Variants in CTNNA3 observed in about 807,000 individuals in gnomAD.
The protein encoded by CTNNA3 is catenin alpha-3.
In CTNNA3, 76 loss-of-function variants were observed where a neutral mutation model predicts 95.7. The ratio of observed to expected loss-of-function variants is 0.79; its 90% CI spans 0.66 to 0.96. The LOEUF (loss-of-function observed/expected upper bound fraction) is 0.96, where lower values mean the gene tolerates loss of function less well. Among genes scored for constraint, CTNNA3 ranks in the 40% least tolerant of loss-of-function variants. CTNNA3 has a pLI of 0.00. For synonymous variants in CTNNA3, 431 were observed against 374.4 expected (o/e 1.15, Z -1.74); for missense variants, 1,191 against 1,089.8 (o/e 1.09, Z -1.31).
Position 67,647,411 on chromosome 10 carries a change from A to T in CTNNA3, c.99+4T>A, listed in dbSNP as rs1172475502. ...ATATATCATAATTTCCATGGTATTA[A>T]TACCTGGATTATGAGAGGCTCCAGT... On this transcript the variant is annotated splice_donor_region_variant and intron_variant, in intron 2 of 17. Coordinates refer to ENST00000433211, the MANE Select transcript of CTNNA3 (RefSeq NM_013266.4). 1.2e-6 allele frequency: 2 copies of T among 1,604,356 alleles called. No homozygotes were observed. Among genetic ancestry groups the T allele is most frequent in the South Asian group, 2.2e-5 (2 of 90,616 alleles).
intron 9 of CTNNA3, among the ~76,000 whole-genome samples, chr10:66,722,979 T>A (rs972896037): frequency 6.6e-6 from 1 of 152,186 alleles, no homozygotes; most frequent in African/African-American, 2.4e-5. Context: ...TTCTGCTCTA[T>A]CATTCAGAAA....
chr10:66,289,713 G>T (rs1468698477), intron 12 of CTNNA3, among the ~76,000 whole-genome samples: 1 of 151,894 alleles, frequency 6.6e-6, no homozygotes, highest in Non-Finnish European at 1.5e-5. Context: ...TTTTAAAGCT[G>T]AATTTCCACA....
At position 66,360,784 on chromosome 10, in the gene CTNNA3, TCTTCCTTCCTTCCTTC is replaced by T. The variant is rs1234588454; in HGVS notation, c.1732+18352_1732+18367del. ...CCTTCCTTCCTTTTCTTTCTTTCTT[TCTTCCTTCCTTCCTTC>T]CTTCCTTCCTTCCTTCCTTTCTTTC... On this transcript the variant is annotated intron_variant, in intron 12 of 17. Coordinates refer to ENST00000433211, the MANE Select transcript of CTNNA3 (RefSeq NM_013266.4). Among the ~76,000 whole-genome samples, 56 of 52,786 alleles carry T rather than the reference TCTTCCTTCCTTCCTTC, an allele frequency of 1.1e-3. 2 individuals carry two copies. Among genetic ancestry groups the T allele is most frequent in the Non-Finnish European group, 1.7e-3 (42 of 24,116 alleles). 34.6% of individuals were successfully genotyped at this position (52,786 alleles called of 152,430 possible).
intron 11 of CTNNA3, among the ~76,000 whole-genome samples, chr10:66,496,848 T>C (rs1281183036): frequency 6.6e-6 from 1 of 152,156 alleles, no homozygotes; most frequent in Non-Finnish European, 1.5e-5. Context: ...TTGATGTGGC[T>C]TAAACAACAA....
chr10:67,432,945 T>G (rs1436130798), intron 5 of CTNNA3, among the ~76,000 whole-genome samples: 3 of 152,080 alleles, frequency 2.0e-5, no homozygotes, highest in Non-Finnish European at 2.9e-5. Context: ...TAGAAGAGTA[T>G]GTGTAGCACT....
intron 3 of CTNNA3, among the ~76,000 whole-genome samples, chr10:67,583,447 T>A (rs963283676): frequency 3.3e-5 from 5 of 152,344 alleles, no homozygotes; most frequent in Middle Eastern, 3.4e-3. Flanking sequence ...CTGATGGGCT[T>A]CCCTTTGTGG....
At chr10:65,934,551 C>T (rs1383898917) in intron 17 of CTNNA3, among the ~76,000 whole-genome samples, 2 of 152,148 alleles carry the variant, frequency 1.3e-5, no homozygotes, top group Non-Finnish European at 2.9e-5. Flanking sequence ...TGGAATCACA[C>T]TCACCCCACT....
At chr10:67,250,504 C>T (rs529210528) in intron 5 of CTNNA3, among the ~76,000 whole-genome samples, 21 of 151,568 alleles carry the variant, frequency 1.4e-4, no homozygotes, top group Non-Finnish European at 2.2e-4. Context: ...CATGAGCCAC[C>T]GCGCCCGGCC....
chr10:67,660,316 C>T (rs1223687778), intron 1 of CTNNA3, among the ~76,000 whole-genome samples: 1 of 152,174 alleles, frequency 6.6e-6, no homozygotes, highest in Non-Finnish European at 1.5e-5. Flanking sequence ...GGCTTCAAAA[C>T]ACCACCCTCC....
intron 15 of CTNNA3, among the ~76,000 whole-genome samples, chr10:66,034,950 T>C (rs2079530935): frequency 6.6e-6 from 1 of 152,206 alleles, no homozygotes; most frequent in Non-Finnish European, 1.5e-5. Context: ...AGTTAATAAC[T>C]GTAACTATTT....
intron 2 of CTNNA3, among the ~76,000 whole-genome samples, chr10:67,616,081 A>C (rs1843646738): frequency 1.3e-5 from 2 of 152,180 alleles, no homozygotes; most frequent in African/African-American, 4.8e-5. Flanking sequence ...TTAAGTAAGA[A>C]GGATCCAAGG....
chr10:67,380,047 T>C (rs1038718683), intron 5 of CTNNA3, among the ~76,000 whole-genome samples: 2 of 146,984 alleles, frequency 1.4e-5, no homozygotes, highest in African/African-American at 5.1e-5. Flanking sequence ...AAAAAAAGAA[T>C]TAGTCTGGAG....
intron 13 of CTNNA3, among the ~76,000 whole-genome samples, chr10:66,183,641 T>C (rs1418159386): frequency 1.3e-5 from 2 of 152,238 alleles, no homozygotes; most frequent in African/African-American, 2.4e-5. Flanking sequence ...TTTTTGTACA[T>C]ATTTCTTGAT....
At chr10:67,132,020 AG>A (rs1009958748) in intron 7 of CTNNA3, among the ~76,000 whole-genome samples, 2 of 152,136 alleles carry the variant, frequency 1.3e-5, no homozygotes, top group Non-Finnish European at 2.9e-5. Context: ...GGTAGAAAAT[AG>A]GATGGTATTT....
intron 11 of CTNNA3, among the ~76,000 whole-genome samples, chr10:66,420,827 A>AATT (rs1564945802): frequency 1.8e-4 from 12 of 66,636 alleles, no homozygotes; most frequent in African/African-American, 9.6e-4. Flanking sequence ...ATAAATAAAT[A>AATT]AATAAATAAA....
intron 5 of CTNNA3, among the ~76,000 whole-genome samples, chr10:67,479,463 C>G (rs1257830331): frequency 1.3e-5 from 2 of 152,058 alleles, no homozygotes; most frequent in African/African-American, 4.8e-5. Flanking sequence ...CAAAACCACA[C>G]AAGTATATTA....
rs116652746 is a variant in CTNNA3 at position 67,428,054 on chromosome 10, G to C, written c.579+93788C>G. On this transcript the variant is annotated intron_variant, in intron 5 of 17. Coordinates refer to ENST00000433211, the MANE Select transcript of CTNNA3 (RefSeq NM_013266.4). ...TTCAGTCCACTCTTTTGAGAACAAG[G>C]GTTAAGAGGAAAATAGGACCCAATT... Among the ~76,000 whole-genome samples, 8 of 152,040 alleles carry C rather than the reference G, an allele frequency of 5.3e-5. No homozygotes were observed. In the East Asian group the frequency reaches 5.8e-4, roughly 11 times the overall value.
intron 7 of CTNNA3, among the ~76,000 whole-genome samples, chr10:66,869,979 C>A (rs1489009933): frequency 6.6e-5 from 10 of 152,106 alleles, no homozygotes; most frequent in Non-Finnish European, 1.5e-4. Context: ...ACTAATATTT[C>A]ACAACACTAT....
At chr10:67,701,503 G>C (rs1841039271) in intron 1 of CTNNA3, among the ~76,000 whole-genome samples, 5 of 152,136 alleles carry the variant, frequency 3.3e-5, no homozygotes, top group Admixed American at 2.6e-4. Flanking sequence ...TTTCAACCCA[G>C]AATTTCATAT....
Sources: gnomAD v4.1 joint callset for allele counts (sites outside exome capture counted in the v4.1 genomes callset) on GRCh38, gnomAD v4.1.1 for gene constraint, MANE v1.5 for transcripts, NCBI Gene and HGNC (gene_info 2026-07-23, HGNC 2026-07-21) for gene names.